Variants in DIAPH3 observed in about 807,000 individuals in gnomAD.
DIAPH3 encodes the protein diaphanous related formin 3, also known as protein diaphanous homolog 3.
DIAPH3 carries 117 observed loss-of-function variants against 144.3 expected under a neutral mutation model. The ratio of observed to expected loss-of-function variants is 0.81; its 90% CI spans 0.70 to 0.95. DIAPH3 has a LOEUF of 0.95. DIAPH3 is among the 40% of genes least tolerant of loss of function. DIAPH3 has a pLI of 0.00. For synonymous variants in DIAPH3, 519 were observed against 488.9 expected (o/e 1.06, Z -0.81); for missense variants, 1,421 against 1,412.7 (o/e 1.01, Z -0.09).
At chr13:59,821,678 C>T (rs890736197) in intron 24 of DIAPH3, among the ~76,000 whole-genome samples, 1 of 151,994 alleles carries the variant, frequency 6.6e-6, no homozygotes, top group South Asian at 2.1e-4. Context: ...GTAATAATTA[C>T]AAGACAGATG....
At chr13:60,028,031 C>T (rs921905201) in intron 5 of DIAPH3, among the ~76,000 whole-genome samples, 14 of 152,114 alleles carry the variant, frequency 9.2e-5, no homozygotes, top group Non-Finnish European at 1.6e-4. Flanking sequence ...TGGCAATGCA[C>T]TCATAATGCT....
chr13:59,704,968 G>A (rs1000466368), intron 27 of DIAPH3, among the ~76,000 whole-genome samples: 2 of 152,154 alleles, frequency 1.3e-5, no homozygotes, highest in Non-Finnish European at 2.9e-5. Flanking sequence ...AATGTGAAAA[G>A]AATTAGTTCC....
At chr13:59,921,395 C>T (rs2047512380) in intron 18 of DIAPH3, among the ~76,000 whole-genome samples, 2 of 150,734 alleles carry the variant, frequency 1.3e-5, no homozygotes, top group South Asian at 4.2e-4. Context: ...AAAGATATTA[C>T]AACTGACACC....
At chr13:59,969,716 T>G (rs566811710) in intron 17 of DIAPH3, among the ~76,000 whole-genome samples, 8 of 152,306 alleles carry the variant, frequency 5.3e-5, no homozygotes, top group African/African-American at 1.7e-4. Context: ...AAAAATAATA[T>G]CATATAGAAA....
intron 25 of DIAPH3, among the ~76,000 whole-genome samples, chr13:59,793,129 C>G (rs2039411242): frequency 6.6e-6 from 1 of 152,164 alleles, no homozygotes; most frequent in African/African-American, 2.4e-5. Flanking sequence ...ACCATCAAAC[C>G]TACAAATGTA....
chr13:59,767,006 A>G (rs1201671702), intron 27 of DIAPH3, among the ~76,000 whole-genome samples: 2 of 151,998 alleles, frequency 1.3e-5, no homozygotes, highest in African/African-American at 4.8e-5. Context: ...CTTCTTTGTC[A>G]CTGGTGGCTC....
rs550140962 is a variant in DIAPH3 at position 59,983,691 on chromosome 13, C to T, written c.1480+78G>A. 4 of 981,542 alleles carry T rather than the reference C, an allele frequency of 4.1e-6. No individual in the cohort carries two copies. The South Asian group carries it at 4.1e-5, about 10-fold the overall frequency. The allele number at this position is 981,542 out of a possible 1,614,324, so 60.8% of individuals were successfully genotyped here. ...GGCCCTCAGGAGTCCAGAGACACAACCCGAGAACCAATGCCCTAGAGCTCA... is the reference window on the plus strand; with the variant it reads ...GGCCCTCAGGAGTCCAGAGACACAATCCGAGAACCAATGCCCTAGAGCTCA... On this transcript the variant is annotated intron_variant, in intron 13 of 27. Coordinates refer to ENST00000400324, the MANE Select transcript of DIAPH3 (RefSeq NM_001042517.2).
intron 24 of DIAPH3, among the ~76,000 whole-genome samples, chr13:59,812,254 AT>A (rs2040520952): frequency 2.8e-4 from 2 of 7,056 alleles, no homozygotes; most frequent in South Asian, 0.033. Flanking sequence ...GCATGCATCC[AT>A]CCATCCATCC....
chr13:59,743,084 AC>A (rs534267800), intron 27 of DIAPH3, among the ~76,000 whole-genome samples: 78 of 152,332 alleles, frequency 5.1e-4, no homozygotes, highest in African/African-American at 1.8e-3. Flanking sequence ...GGAGGCACAA[AC>A]AAAATCATGT....
intron 22 of DIAPH3, among the ~76,000 whole-genome samples, chr13:59,853,930 A>G (rs2043120119): frequency 6.6e-6 from 1 of 152,208 alleles, no homozygotes; most frequent in South Asian, 2.1e-4. Context: ...ACTTATGCCA[A>G]AGATGACTGT....
At chr13:59,972,492 T>C (rs924709341) in intron 15 of DIAPH3, among the ~76,000 whole-genome samples, 1 of 152,144 alleles carries the variant, frequency 6.6e-6, no homozygotes, top group Non-Finnish European at 1.5e-5. Context: ...GGCACAATTA[T>C]GAAAAATAGA....
intron 27 of DIAPH3, among the ~76,000 whole-genome samples, chr13:59,728,066 CA>C (rs35223359): frequency 0.91 from 134,915 of 147,974 alleles, 61,616 homozygotes; most frequent in East Asian, 0.96. Context: ...GACAGGGCAT[CA>C]AAAAAAAAAA....
intron 27 of DIAPH3, among the ~76,000 whole-genome samples, chr13:59,709,655 A>AACTAG (rs2034625851): frequency 6.6e-6 from 1 of 152,202 alleles, no homozygotes; most frequent in African/African-American, 2.4e-5. Context: ...TGGGACTGTA[A>AACTAG]ACTAGTTCAA....
intron 24 of DIAPH3, among the ~76,000 whole-genome samples, chr13:59,813,902 G>GATAATCCC (rs1162024659): frequency 6.6e-6 from 1 of 151,192 alleles, no homozygotes; most frequent in African/African-American, 2.4e-5. Context: ...GGTAGGAGAA[G>GATAATCCC]ATAATCATGG....
At chr13:60,154,463 C>T (rs529793133) in intron 1 of DIAPH3, among the ~76,000 whole-genome samples, 16 of 152,058 alleles carry the variant, frequency 1.1e-4, no homozygotes, top group Admixed American at 2.6e-4. Context: ...GCTTCTTCTA[C>T]AAAAAACTGT....
chr13:59,780,083 G>C (rs980113639), intron 25 of DIAPH3, among the ~76,000 whole-genome samples: 10 of 151,932 alleles, frequency 6.6e-5, no homozygotes, highest in Admixed American at 3.3e-4. Context: ...TGTGTGCCAG[G>C]ATGTTACTAG....
intron 25 of DIAPH3, among the ~76,000 whole-genome samples, chr13:59,802,664 ATTATTT>A (rs2039980480): frequency 6.1e-5 from 2 of 32,538 alleles, no homozygotes; most frequent in East Asian, 9.7e-4. Context: ...TATTATTATT[ATTATTT>A]TTTTTTTTTT....
chr13:60,021,359 T>C (rs1370105659), intron 5 of DIAPH3, among the ~76,000 whole-genome samples: 1 of 152,244 alleles, frequency 6.6e-6, no homozygotes, highest in Non-Finnish European at 1.5e-5. Flanking sequence ...GCACCCTGGC[T>C]CACGCCTGTA....
chr13:60,126,404 T>G (rs915964250), intron 2 of DIAPH3, among the ~76,000 whole-genome samples: 5 of 152,210 alleles, frequency 3.3e-5, no homozygotes, highest in African/African-American at 9.6e-5. Context: ...AAACGTCATT[T>G]ATTAAAGATA....
Sources: gnomAD v4.1 joint callset for allele counts (sites outside exome capture counted in the v4.1 genomes callset) on GRCh38, gnomAD v4.1.1 for gene constraint, MANE v1.5 for transcripts, NCBI Gene and HGNC (gene_info 2026-07-23, HGNC 2026-07-21) for gene names.